The following ALMS1 variants were observed in gnomAD, a reference collection of about 807,000 sequenced individuals.
ALMS1 encodes the protein centrosome-associated protein ALMS1.
A neutral mutation model predicts 352.2 loss-of-function variants in ALMS1; 271 were observed. That is an observed-to-expected ratio of 0.77 (90% CI 0.70 to 0.85). The LOEUF is 0.85. ALMS1 is among the 40% of genes least tolerant of loss of function. The probability of loss-of-function intolerance (pLI) is 0.00; values close to 1 mark genes in which losing one functional copy is unlikely to be tolerated. For missense variants in ALMS1, 5,445 were observed against 4,870.7 expected (o/e 1.12, Z -3.51); for synonymous variants, 1,865 against 1,761.2 (o/e 1.06, Z -1.48).
chr2:73,453,450 C>G lies in ALMS1; in HGVS notation c.6923C>G (p.Ser2308Cys), dbSNP rs775594311. The change falls in exon 8 of 23, where the codon TCC becomes TGC. Residue 2308 changes from serine to cysteine, a missense_variant. By Grantham distance (112) the Ser-to-Cys change is moderately radical. Coordinates refer to ENST00000613296, the MANE Select transcript of ALMS1 (RefSeq NM_001378454.1). ...KKVVCFKEPS[S>C]TGVSNGDLLH... is the part of the protein sequence containing the mutation. ...GTGGTTTGCTTCAAAGAACCCTCTT[C>G]CACGGGTGTATCTAATGGTGATTTG... 6.2e-7 allele frequency: 1 copy of G among 1,613,108 alleles called. No homozygotes were observed. Among genetic ancestry groups the G allele is most frequent in the Admixed American group, 1.7e-5 (1 of 59,870 alleles).
chr2:73,428,531 CT>C (rs1313642674), intron 6 of ALMS1, among the ~76,000 whole-genome samples: 1 of 152,136 alleles, frequency 6.6e-6, no homozygotes, highest in Admixed American at 6.5e-5. Flanking sequence ...TTTAATACTA[CT>C]TTTGTGACTT....
In ALMS1 at chr2:73,488,867, G is replaced by A. The variant is rs143377926; in HGVS notation, c.7675-767G>A. Among the ~76,000 whole-genome samples, 20 of 152,254 alleles carry A rather than the reference G, an allele frequency of 1.3e-4. No individual in the cohort carries two copies. The East Asian group carries it at 3.3e-3, about 25-fold the overall frequency. On this transcript the variant is annotated intron_variant, in intron 9 of 22. Transcript: ENST00000613296. ...GTAGCTTTGAGTACTGATCCTATGC[G>A]CCAGGAAACAAGGTCTTGGTTTTTT...
At chr2:73,471,780 G>A (rs1207033379) in intron 9 of ALMS1, among the ~76,000 whole-genome samples, 3 of 151,960 alleles carry the variant, frequency 2.0e-5, no homozygotes, top group South Asian at 4.1e-4. Context: ...ATGTAAAATG[G>A]TGTAGCTGCT....
intron 10 of ALMS1, among the ~76,000 whole-genome samples, chr2:73,504,852 G>A (rs887754729): frequency 6.6e-6 from 1 of 151,946 alleles, no homozygotes; most frequent in Non-Finnish European, 1.5e-5. Context: ...TCTACATTAC[G>A]TATTTCTCCT....
At chr2:73,549,858 T>G (rs1177054200) in intron 12 of ALMS1, among the ~76,000 whole-genome samples, 1 of 152,088 alleles carries the variant, frequency 6.6e-6, no homozygotes, top group Non-Finnish European at 1.5e-5. Flanking sequence ...TTTGTTCGTT[T>G]GTTTGTTTGT....
chr2:73,513,590 A>C (rs1673495586), intron 10 of ALMS1, among the ~76,000 whole-genome samples: 1 of 152,134 alleles, frequency 6.6e-6, no homozygotes, highest in South Asian at 2.1e-4. Context: ...ATCCTGCAGG[A>C]AATCTGACTT....
At chr2:73,427,790 C>A (rs757323860) in intron 6 of ALMS1, among the ~76,000 whole-genome samples, 7 of 152,130 alleles carry the variant, frequency 4.6e-5, no homozygotes, top group Non-Finnish European at 1.0e-4. Context: ...TTGTCTGGTA[C>A]TGTAAGTCCC....
Position 73,448,579 on chromosome 2 carries a change from A to G in ALMS1, c.2052A>G (p.Pro684=). The G allele has an allele frequency of 6.2e-7, 1 of 1,613,972 alleles. No individual in the cohort carries two copies. Among genetic ancestry groups the G allele is most frequent in the African/African-American group, 1.3e-5 (1 of 75,000 alleles). The change falls in exon 8 of 23, where the codon CCA becomes CCG. Residue 684 remains proline, a synonymous_variant. Coordinates refer to ENST00000613296, the MANE Select transcript of ALMS1 (RefSeq NM_001378454.1). ...TCTTTTTCTATCGACAGACCTTGCC[A>G]GATGGTCATCTAACTGATCAGGCTC... ...DLLFFYRQTL[P]DGHLTDQALK...
intron 12 of ALMS1, among the ~76,000 whole-genome samples, chr2:73,544,902 A>G (rs1421482321): frequency 2.0e-5 from 3 of 152,218 alleles, no homozygotes; most frequent in Admixed American, 6.5e-5. Context: ...GGTACATGCT[A>G]CAACATGGAT....
At chr2:73,538,869 G>A (rs1460116751) in intron 12 of ALMS1, among the ~76,000 whole-genome samples, 1 of 152,168 alleles carries the variant, frequency 6.6e-6, no homozygotes, top group Non-Finnish European at 1.5e-5. Flanking sequence ...GCTTGAGTAG[G>A]TAAACAAAGC....
intron 1 of ALMS1, among the ~76,000 whole-genome samples, chr2:73,402,381 C>G (rs1171942044): frequency 6.9e-6 from 1 of 145,876 alleles, no homozygotes; most frequent in African/African-American, 2.5e-5. Flanking sequence ...TCAAGCGATT[C>G]TTGTGTCTCA....
chr2:73,541,615 T>C (rs970441422), intron 12 of ALMS1, among the ~76,000 whole-genome samples: 2 of 152,098 alleles, frequency 1.3e-5, no homozygotes, highest in African/African-American at 4.8e-5. Flanking sequence ...ATTGATAGAC[T>C]GCTGGCCAGA....
chr2:73,496,585 GAA>G (rs1468853108), intron 10 of ALMS1, among the ~76,000 whole-genome samples: 2 of 152,002 alleles, frequency 1.3e-5, no homozygotes, highest in Non-Finnish European at 2.9e-5. Flanking sequence ...TAAATACTAA[GAA>G]AGAGGATTCC....
chr2:73,594,514 G>A (rs1256589220), intron 16 of ALMS1, among the ~76,000 whole-genome samples: 1 of 152,150 alleles, frequency 6.6e-6, no homozygotes, highest in African/African-American at 2.4e-5. Flanking sequence ...ACTTGGAAGG[G>A]ACCACTGGAG....
chr2:73,573,311 A>AT lies in ALMS1; in HGVS notation c.11435dup (p.Thr3813HisfsTer9). 1 of 1,614,142 alleles carries AT rather than the reference A, an allele frequency of 6.2e-7. No homozygotes were observed. The highest frequency in any genetic ancestry group is 8.5e-7 in the Non-Finnish European group (1 of 1,180,014). ...CAGACGAATTAAATTATATAGCAGC[A>AT]TCACCAACCAACAGAGGAGATACCT... is the stretch of plus-strand genomic sequence containing the variant. On this transcript the variant is annotated frameshift_variant, in exon 16 of 23. Coordinates refer to ENST00000613296, the MANE Select transcript of ALMS1 (RefSeq NM_001378454.1). LOFTEE classifies it high-confidence loss of function.
chr2:73,533,702 A>T (rs945801963), intron 11 of ALMS1, among the ~76,000 whole-genome samples: 2 of 152,220 alleles, frequency 1.3e-5, no homozygotes, highest in Non-Finnish European at 2.9e-5. Flanking sequence ...CATGAAAGAA[A>T]AACTAGTATA....
chr2:73,549,852 T>C (rs1674392820), intron 12 of ALMS1, among the ~76,000 whole-genome samples: 1 of 152,134 alleles, frequency 6.6e-6, no homozygotes, highest in African/African-American at 2.4e-5. Context: ...TTTTTGTTTG[T>C]TCGTTTGTTT....
rs533714062 is a variant in ALMS1 at position 73,572,087 on chromosome 2, G to A, written c.10385-175G>A. ...TCTCTTAAACTTTTACTGTACCAGC[G>A]AGGCTACTAAGAACAAGGCATCAGT... On this transcript the variant is annotated intron_variant, in intron 15 of 22. Transcript: ENST00000613296. Among the ~76,000 whole-genome samples, 17 of 152,258 alleles carry A rather than the reference G, an allele frequency of 1.1e-4. No homozygotes were observed. The South Asian group carries it at 1.2e-3, about 11-fold the overall frequency.
At chr2:73,510,720 C>G (rs1039111594) in intron 10 of ALMS1, among the ~76,000 whole-genome samples, 1 of 152,178 alleles carries the variant, frequency 6.6e-6, no homozygotes, top group African/African-American at 2.4e-5. Context: ...GGCATTCTGT[C>G]CCTTAGCAGG....
Sources: gnomAD v4.1 joint callset for allele counts (sites outside exome capture counted in the v4.1 genomes callset) on GRCh38, gnomAD v4.1.1 for gene constraint, MANE v1.5 for transcripts, NCBI Gene and HGNC (gene_info 2026-07-23, HGNC 2026-07-21) for gene names.